PCDHA7: variants seen among roughly 807,000 people sequenced by gnomAD.
PCDHA7 encodes protocadherin alpha-7.
In PCDHA7, 37 loss-of-function variants were observed where a neutral mutation model predicts 57.2. The observed-to-expected ratio is 0.65, with a 90% confidence interval of 0.50 to 0.85. PCDHA7 has a LOEUF of 0.85. PCDHA7 is among the 40% of genes least tolerant of loss of function. The pLI is 0.00. For missense variants in PCDHA7, 1,188 were observed against 1,241.8 expected (o/e 0.96, Z 0.65); for synonymous variants, 553 against 558.8 (o/e 0.99, Z 0.15).
At chr5:140,876,361 C>A in intron 1 of PCDHA7, 1 of 1,613,880 alleles carries the variant, frequency 6.2e-7, no homozygotes. Flanking sequence ...TTCAATAAAT[C>A]CAGACACAGG....
At chr5:140,927,300 C>T (rs2084061617) in intron 1 of PCDHA7, 2 of 1,614,052 alleles carry the variant, frequency 1.2e-6, no homozygotes, top group South Asian at 2.2e-5. Flanking sequence ...TCCCCGAGTT[C>T]CTGACGCCCG....
intron 1 of PCDHA7, chr5:140,867,665 T>C (rs2050092984): frequency 6.6e-6 from 1 of 152,154 alleles, no homozygotes; most frequent in Non-Finnish European, 1.5e-5. Context: ...CACTTTCTAC[T>C]CTAAAATTTT....
intron 1 of PCDHA7, chr5:140,857,339 T>A (rs2044519052): frequency 1.3e-6 from 2 of 1,597,956 alleles, no homozygotes; most frequent in Non-Finnish European, 1.7e-6. Context: ...GGACGGGGGC[T>A]CGCCTCCGCT....
chr5:140,863,449 A>G (rs1166397854), intron 1 of PCDHA7: 4 of 570,946 alleles, frequency 7.0e-6, no homozygotes, highest in Admixed American at 4.2e-5. Flanking sequence ...TACTCGCAGC[A>G]AAGGAGATTT....
Position 140,835,421 on chromosome 5 carries a change from T to C in PCDHA7, c.1038T>C (p.Asn346=), listed in dbSNP as rs2150235406. The change falls in exon 1 of 4, where the codon AAT becomes AAC. Residue 346 remains asparagine, a synonymous_variant. Coordinates refer to ENST00000525929, the MANE Select transcript of PCDHA7 (RefSeq NM_018910.3). ...VLVEVVDVND[N]APQLTLTSLS... is the part of the protein sequence containing the mutation. The stretch of plus-strand genomic sequence containing the variant: ...TGGAAGTTGTGGATGTAAATGACAA[T>C]GCTCCACAGTTGACTCTCACTTCCC... 2 of 1,613,844 alleles carry C rather than the reference T, an allele frequency of 1.2e-6. No individual in the cohort carries two copies. Among genetic ancestry groups the C allele is most frequent in the African/African-American group, 1.3e-5 (1 of 74,916 alleles).
chr5:140,888,271 T>A (rs1466153758), intron 1 of PCDHA7, among the ~76,000 whole-genome samples: 2 of 152,068 alleles, frequency 1.3e-5, no homozygotes, highest in African/African-American at 4.8e-5. Context: ...TAAGAAACAG[T>A]TTTGTCCCCT....
chr5:140,903,902 A>G lies in PCDHA7; in HGVS notation c.2355+67164A>G, dbSNP rs548056424. Among the ~76,000 whole-genome samples the G allele has an allele frequency of 5.9e-5, 9 of 152,370 alleles. No individual in the cohort carries two copies. The South Asian group carries it at 1.9e-3, about 32-fold the overall frequency. On this transcript the variant is annotated intron_variant, in intron 1 of 3. Transcript: ENST00000525929. ...ACATTGAATCTTGACCTGTTTGTCA[A>G]TGATGTGACTTCCTTGCTGCATTGG...
rs376943163 is a variant in PCDHA7 at position 140,883,718 on chromosome 5, G to C, written c.2355+46980G>C. On this transcript the variant is annotated intron_variant, in intron 1 of 3. Coordinates refer to ENST00000525929, the MANE Select transcript of PCDHA7 (RefSeq NM_018910.3). The stretch of plus-strand genomic sequence containing the variant: ...CACGGTGTCTGCTCAGGACGCGGAC[G>C]CACAGGAGAACGCGCTGGTCTCCTA... The C allele has an allele frequency of 5.0e-5, 81 of 1,613,524 alleles. No homozygotes were observed. Among genetic ancestry groups the C allele is most frequent in the Non-Finnish European group, 6.4e-5 (75 of 1,179,854 alleles).
At chr5:141,007,426 G>A (rs1255100179) in intron 3 of PCDHA7, among the ~76,000 whole-genome samples, 4 of 151,118 alleles carry the variant, frequency 2.6e-5, no homozygotes, top group Non-Finnish European at 5.9e-5. Flanking sequence ...AAATTAGCCA[G>A]GCATGGTGGC....
chr5:140,893,467 A>G (rs2064001411), intron 1 of PCDHA7, among the ~76,000 whole-genome samples: 1 of 152,186 alleles, frequency 6.6e-6, no homozygotes, highest in Non-Finnish European at 1.5e-5. Context: ...AGCCTGGGCA[A>G]CATAGCAAGA....
chr5:140,896,721 T>C (rs774174943), intron 1 of PCDHA7, among the ~76,000 whole-genome samples: 1 of 152,176 alleles, frequency 6.6e-6, no homozygotes, highest in Non-Finnish European at 1.5e-5. Flanking sequence ...TGCTTGTTAA[T>C]TTGTTTAAGT....
In PCDHA7 at chr5:140,852,074, T is replaced by A. The variant is rs988130151; in HGVS notation, c.2355+15336T>A. On this transcript the variant is annotated intron_variant, in intron 1 of 3. Coordinates refer to ENST00000525929, the MANE Select transcript of PCDHA7 (RefSeq NM_018910.3). The stretch of plus-strand genomic sequence containing the variant: ...TTTATATTTTTCTTTCTCTTTCAGC[T>A]ATTTTATTTAATATTGTGTCAGATA... The A allele has an allele frequency of 1.4e-4, 130 of 903,068 alleles. 3 individuals carry two copies. Among genetic ancestry groups the A allele is most frequent in the Non-Finnish European group, 1.7e-4 (126 of 741,050 alleles). 55.9% of individuals were successfully genotyped at this position (903,068 alleles called of 1,614,324 possible).
At chr5:140,955,469 T>C (rs1324804121) in intron 1 of PCDHA7, among the ~76,000 whole-genome samples, 11 of 152,208 alleles carry the variant, frequency 7.2e-5, no homozygotes, top group Middle Eastern at 3.4e-3. Flanking sequence ...CCTTTTTGCT[T>C]GGCACCTCTC....
At position 140,857,621 on chromosome 5, in the gene PCDHA7, G is replaced by A. The variant is rs962164938; in HGVS notation, c.2355+20883G>A. ...GTACGCGCTGCAGCCGCTGGACCAC[G>A]AGGAGCTGGAGCTGCTACAGTTCCA... On this transcript the variant is annotated intron_variant, in intron 1 of 3. Transcript: ENST00000525929. The A allele has an allele frequency of 4.4e-6, 7 of 1,596,528 alleles. 1 individual carries two copies. In the African/African-American group the frequency reaches 8.1e-5, roughly 18 times the overall value.
intron 1 of PCDHA7, among the ~76,000 whole-genome samples, chr5:140,950,547 TGGG>T (rs1385873509): frequency 6.6e-6 from 1 of 152,064 alleles, no homozygotes; most frequent in Non-Finnish European, 1.5e-5. Flanking sequence ...CTTGCATGGC[TGGG>T]GGGACACTTA....
intron 1 of PCDHA7, chr5:140,857,341 G>C (rs782659858): frequency 1.3e-6 from 2 of 1,598,438 alleles, no homozygotes; most frequent in Non-Finnish European, 1.7e-6. Context: ...ACGGGGGCTC[G>C]CCTCCGCTGT....
chr5:140,856,923 T>A (rs1178891192), intron 1 of PCDHA7: 1 of 1,595,300 alleles, frequency 6.3e-7, no homozygotes, highest in Non-Finnish European at 8.6e-7. Flanking sequence ...AGAAGGAAAT[T>A]TTGGATAAAC....
rs1562687946 is a variant in PCDHA7 at position 140,874,243 on chromosome 5, TG to T, written c.2355+37507del. ...GTAGGAATGAATGGCAACAAATTAT[TG>T]GTTTAAAGATTTTGACTTGAGTATT... On this transcript the variant is annotated intron_variant, in intron 1 of 3. Coordinates refer to ENST00000525929, the MANE Select transcript of PCDHA7 (RefSeq NM_018910.3). 2.0e-5 allele frequency among the ~76,000 whole-genome samples: 3 copies of T among 152,230 alleles called. No homozygotes were observed. In the South Asian group the frequency reaches 6.2e-4, roughly 32 times the overall value.
intron 1 of PCDHA7, chr5:140,881,257 C>T (rs2058639669): frequency 2.0e-6 from 1 of 512,572 alleles, no homozygotes; most frequent in Non-Finnish European, 2.5e-6. Context: ...CAAGGTTTTA[C>T]TCAGTGATGA....
Sources: allele counts gnomAD v4.1 joint callset (sites outside exome capture counted in the v4.1 genomes callset), GRCh38; gene constraint gnomAD v4.1.1; transcripts MANE v1.5; gene names NCBI Gene and HGNC (gene_info 2026-07-23, HGNC 2026-07-21).